Variants in TANK observed in about 807,000 individuals in gnomAD.
TANK encodes TRAF family member associated NFKB activator.
A neutral mutation model predicts 43.6 loss-of-function variants in TANK; 15 were observed. That is an observed-to-expected ratio of 0.34 (90% CI 0.23 to 0.53). TANK has a LOEUF of 0.53. TANK is among the 20% of genes least tolerant of loss of function. The pLI is 0.94. For missense variants in TANK, 417 were observed against 498.6 expected (o/e 0.84, Z 1.56); for synonymous variants, 162 against 178.2 (o/e 0.91, Z 0.73).
intron 1 of TANK, among the ~76,000 whole-genome samples, chr2:161,143,365 T>C (rs1286471112): frequency 1.3e-5 from 2 of 152,224 alleles, no homozygotes; most frequent in African/African-American, 4.8e-5. Context: ...CTATGTTGAA[T>C]AGGAGTGGTG....
intron 4 of TANK, chr2:161,219,599 C>T (rs1299979644): frequency 4.1e-6 from 1 of 242,052 alleles, no homozygotes; most frequent in Non-Finnish European, 8.6e-6. Flanking sequence ...TATCCTCAAA[C>T]TTTTATGTAC....
At chr2:161,213,905 G>A (rs1483014918) in intron 4 of TANK, among the ~76,000 whole-genome samples, 1 of 151,746 alleles carries the variant, frequency 6.6e-6, no homozygotes, top group Non-Finnish European at 1.5e-5. Context: ...AAAAGCTGTT[G>A]GTCTATCTTG....
At chr2:161,143,817 T>C (rs1683822940) in intron 1 of TANK, among the ~76,000 whole-genome samples, 1 of 152,246 alleles carries the variant, frequency 6.6e-6, no homozygotes, top group Non-Finnish European at 1.5e-5. Flanking sequence ...ATCAGGATGA[T>C]GCTGGCCTCA....
upstream of TANK, among the ~76,000 whole-genome samples, chr2:161,159,866 T>C (rs990251712): frequency 6.6e-6 from 1 of 152,206 alleles, no homozygotes; most frequent in Non-Finnish European, 1.5e-5. Context: ...ACAAATACAT[T>C]TAGTGAAAAA....
chr2:161,186,196 T>C (rs1013603886), intron 2 of TANK, among the ~76,000 whole-genome samples: 1 of 152,134 alleles, frequency 6.6e-6, no homozygotes, highest in Non-Finnish European at 1.5e-5. Flanking sequence ...TCAAAAAAAG[T>C]AAAACAACGA....
intron 1 of TANK, chr2:161,162,487 A>G (rs757679637): frequency 6.6e-6 from 1 of 152,110 alleles, no homozygotes; most frequent in Non-Finnish European, 1.5e-5. Context: ...TAGGAAAACA[A>G]TCATCTAATT....
At chr2:161,187,998 ATATT>A (rs1300221257) in intron 2 of TANK, among the ~76,000 whole-genome samples, 3 of 152,212 alleles carry the variant, frequency 2.0e-5, no homozygotes, top group African/African-American at 7.2e-5. Flanking sequence ...GAATGAATAT[ATATT>A]GTGACAAATG....
intron 2 of TANK, chr2:161,197,190 T>C (rs1013988120): frequency 2.0e-4 from 30 of 152,348 alleles, no homozygotes; most frequent in African/African-American, 7.2e-4. Context: ...TTGGTGGTAG[T>C]CGTCATTTTG....
At chr2:161,157,444 T>C (rs994156087), upstream of TANK, among the ~76,000 whole-genome samples, 1 of 152,198 alleles carries the variant, frequency 6.6e-6, no homozygotes, top group African/African-American at 2.4e-5. Context: ...TGAGTTCTCA[T>C]GTTTTTCTGA....
At chr2:161,220,917 T>C (rs1027673222) in intron 4 of TANK, among the ~76,000 whole-genome samples, 1 of 152,198 alleles carries the variant, frequency 6.6e-6, no homozygotes, top group Non-Finnish European at 1.5e-5. Flanking sequence ...TTAACCACTT[T>C]TTTTTCTCCT....
chr2:161,165,958 A>G lies in TANK; in HGVS notation c.-50+5472A>G, dbSNP rs80062230. Among the ~76,000 whole-genome samples the G allele has an allele frequency of 7.9e-5, 12 of 152,240 alleles. No individual in the cohort carries two copies. In the East Asian group the frequency reaches 1.9e-3, roughly 24 times the overall value. On this transcript the variant is annotated intron_variant, in intron 1 of 7. Transcript: ENST00000392749. The stretch of plus-strand genomic sequence containing the variant: ...GCACTTAAACCCATAACATTTGATA[A>G]ATAGTCTCAGAGAAAGAAGTATTAC...
chr2:161,161,519 CCTT>C (rs1684434920), intron 1 of TANK: 1 of 1,483,402 alleles, frequency 6.7e-7, no homozygotes, highest in African/African-American at 1.4e-5. Flanking sequence ...GAAGTGAAAT[CCTT>C]CTCAGTCCTC....
intron 1 of TANK, among the ~76,000 whole-genome samples, chr2:161,166,954 G>C (rs1409019020): frequency 1.3e-5 from 2 of 152,130 alleles, no homozygotes; most frequent in Non-Finnish European, 2.9e-5. Context: ...TTCTTTTCTA[G>C]GGCAAAGTGG....
intron 4 of TANK, among the ~76,000 whole-genome samples, chr2:161,220,621 T>C (rs921360990): frequency 2.0e-5 from 3 of 152,006 alleles, no homozygotes; most frequent in Non-Finnish European, 4.4e-5. Flanking sequence ...GAAAAAAAAA[T>C]TCTGTAACTC....
At chr2:161,153,073 A>G (rs1342769792) in intron 1 of TANK, among the ~76,000 whole-genome samples, 1 of 151,902 alleles carries the variant, frequency 6.6e-6, no homozygotes, top group Non-Finnish European at 1.5e-5. Flanking sequence ...ATCTTATCAC[A>G]TTCTCTGACT....
intron 4 of TANK, among the ~76,000 whole-genome samples, chr2:161,209,129 AT>A (rs1192241491): frequency 1.3e-5 from 2 of 152,238 alleles, no homozygotes; most frequent in African/African-American, 4.8e-5. Flanking sequence ...AAGGGAAAAA[AT>A]ATCATAGCCT....
chr2:161,232,787 T>C, intron 7 of TANK: 1 of 1,550,626 alleles, frequency 6.4e-7, no homozygotes, highest in Non-Finnish European at 8.7e-7. Flanking sequence ...TTGCTTTCTA[T>C]ACTACAGCAA....
At position 161,187,272 on chromosome 2, in the gene TANK, A is replaced by C. The variant is rs547280356; in HGVS notation, c.99+7511A>C. Reference sequence around the variant, plus strand: ...CAAAATCCCATCTGTACAAAAAAACAAAAACAAAAAACACCAGGTATGGTG... The same window carrying C: ...CAAAATCCCATCTGTACAAAAAAACCAAAACAAAAAACACCAGGTATGGTG... On this transcript the variant is annotated intron_variant, in intron 2 of 7. Coordinates refer to ENST00000392749, the MANE Select transcript of TANK (RefSeq NM_001199135.3). Among the ~76,000 whole-genome samples the C allele has an allele frequency of 5.3e-5, 8 of 152,232 alleles. No individual in the cohort carries two copies. The East Asian group carries it at 1.4e-3, about 26-fold the overall frequency.
At chr2:161,216,871 TGA>T (rs1687140709) in intron 4 of TANK, among the ~76,000 whole-genome samples, 3 of 152,220 alleles carry the variant, frequency 2.0e-5, no homozygotes, top group Admixed American at 1.3e-4. Context: ...AAGCTAAAAC[TGA>T]GAGTTTTGAA....
Sources: gnomAD v4.1 joint callset for allele counts (sites outside exome capture counted in the v4.1 genomes callset) on GRCh38, gnomAD v4.1.1 for gene constraint, MANE v1.5 for transcripts, NCBI Gene and HGNC (gene_info 2026-07-23, HGNC 2026-07-21) for gene names.